The following SULT1C3 variants were observed in gnomAD, a reference collection of about 807,000 sequenced individuals.
The protein encoded by SULT1C3 is sulfotransferase family 1C member 3.
Under a neutral mutation model 28.4 loss-of-function variants are expected in SULT1C3, and 31 were observed. That is an observed-to-expected ratio of 1.09 (90% CI 0.82 to 1.47). The LOEUF is 1.47. Ranked by LOEUF, SULT1C3 falls within the 40% of genes most tolerant of loss-of-function variation. The pLI is 0.00. For missense variants in SULT1C3, 307 were observed against 272.5 expected (o/e 1.13, Z -0.89); for synonymous variants, 106 against 92.2 (o/e 1.15, Z -0.86).
intron 1 of SULT1C3, among the ~76,000 whole-genome samples, 133 bp downstream of exon 1, chr2:108,240,216 A>G (rs1480250239): frequency 6.6e-6 from 1 of 152,234 alleles, no homozygotes; most frequent in East Asian, 1.9e-4. Context: ...TGCAGCTCCA[A>G]ATAAAACTCA....
intron 4 of SULT1C3, among the ~76,000 whole-genome samples, chr2:108,254,815 A>ATGTGTATATATACACATATATATG (rs1457101130): frequency 1.1e-3 from 171 of 151,132 alleles, no homozygotes; most frequent in African/African-American, 1.8e-3. Context: ...ATATGTATAT[A>ATGTGTATATATACACATATATATG]TGTGTATATA....
chr2:108,240,620 T>C (rs942159016), intron 1 of SULT1C3, among the ~76,000 whole-genome samples: 2 of 152,210 alleles, frequency 1.3e-5, no homozygotes, highest in African/African-American at 4.8e-5. Flanking sequence ...AACTAGCATA[T>C]TGATTCAGAT....
intron 5 of SULT1C3, 57 bp downstream of exon 5, chr2:108,255,755 C>A: frequency 1.3e-6 from 2 of 1,565,006 alleles, no homozygotes; most frequent in Non-Finnish European, 1.7e-6. Context: ...ACAATAAGCA[C>A]CTCTGTAAAC....
chr2:108,251,095 A>T (rs35835357), intron 2 of SULT1C3, among the ~76,000 whole-genome samples: 38,962 of 151,922 alleles, frequency 0.26, 6,275 homozygotes, highest in South Asian at 0.39. Context: ...AAAAAGAAAA[A>T]CTTATGTATT....
At chr2:108,243,113 C>T (rs887111371) in intron 1 of SULT1C3, among the ~76,000 whole-genome samples, 1 of 152,050 alleles carries the variant, frequency 6.6e-6, no homozygotes, top group South Asian at 2.1e-4. Context: ...ATGATTTAAC[C>T]GTGAGTGTGC....
At chr2:108,264,709 T>C, downstream of SULT1C3, 1 of 1,059,408 alleles carries the variant, frequency 9.4e-7, no homozygotes, top group East Asian at 2.6e-5. Flanking sequence ...GAAATATTTT[T>C]AAAATGTGTT....
chr2:108,247,119 A>C, intron 1 of SULT1C3, 69 bp from the exon 2 acceptor site: 4 of 1,203,382 alleles, frequency 3.3e-6, no homozygotes, highest in Non-Finnish European at 4.4e-6. Context: ...GTAAGATGAT[A>C]ACCCATACTA....
At chr2:108,254,821 A>G (rs556084190) in intron 4 of SULT1C3, among the ~76,000 whole-genome samples, 17 of 126,292 alleles carry the variant, frequency 1.3e-4, no homozygotes, top group African/African-American at 5.9e-4. Context: ...ATATATGTGT[A>G]TATATACACA....
downstream of SULT1C3, among the ~76,000 whole-genome samples, chr2:108,263,604 G>A (rs940968423): frequency 6.6e-6 from 1 of 152,176 alleles, no homozygotes; most frequent in African/African-American, 2.4e-5. Context: ...GTTCCCAGCA[G>A]CACTCTTTGT....
At chr2:108,242,777 T>G (rs1379498882) in intron 1 of SULT1C3, among the ~76,000 whole-genome samples, 1 of 152,178 alleles carries the variant, frequency 6.6e-6, no homozygotes, top group Non-Finnish European at 1.5e-5. Context: ...AAACAGGGTC[T>G]GTGGCACCTC....
At chr2:108,247,619 C>T (rs766162614) in intron 2 of SULT1C3, among the ~76,000 whole-genome samples, 4 of 152,106 alleles carry the variant, frequency 2.6e-5, no homozygotes, top group African/African-American at 4.8e-5. Flanking sequence ...CATTCCAGAA[C>T]CCATAGCATA....
chr2:108,251,777 T>C (rs1254620736), intron 2 of SULT1C3, among the ~76,000 whole-genome samples: 1 of 151,972 alleles, frequency 6.6e-6, no homozygotes, highest in African/African-American at 2.4e-5. Flanking sequence ...ACAAAAAGGA[T>C]AGCAAAAGTA....
At chr2:108,262,745 C>T (rs560714483), downstream of SULT1C3, among the ~76,000 whole-genome samples, 5 of 152,254 alleles carry the variant, frequency 3.3e-5, no homozygotes, top group Non-Finnish European at 7.4e-5. Context: ...TGCCCCATGG[C>T]CTCCCCTAGA....
chr2:108,255,543 A>T (rs1409923601), intron 4 of SULT1C3, 29 bp from the exon 5 acceptor site: 2 of 1,605,610 alleles, frequency 1.2e-6, no homozygotes, highest in Non-Finnish European at 1.7e-6. Flanking sequence ...TTTTCTCTCC[A>T]TGGCTTCCTT....
intron 2 of SULT1C3, among the ~76,000 whole-genome samples, 184 bp from the exon 3 acceptor site, chr2:108,252,178 GATA>G (rs1459368225): frequency 6.6e-6 from 1 of 151,826 alleles, no homozygotes; most frequent in Non-Finnish European, 1.5e-5. Context: ...TAGATAGATA[GATA>G]GATAGATGGA....
chr2:108,264,180 A>G (rs1386654565), downstream of SULT1C3, among the ~76,000 whole-genome samples: 1 of 152,184 alleles, frequency 6.6e-6, no homozygotes, highest in Admixed American at 6.6e-5. Flanking sequence ...GTCTGCACAA[A>G]TTCACTCTCA....
intron 2 of SULT1C3, among the ~76,000 whole-genome samples, chr2:108,250,779 G>A (rs556492645): frequency 1.3e-5 from 2 of 151,896 alleles, no homozygotes; most frequent in Non-Finnish European, 2.9e-5. Flanking sequence ...AATAATGAGG[G>A]TGTGTGAAAA....
intron 2 of SULT1C3, among the ~76,000 whole-genome samples, chr2:108,248,450 C>G (rs1273839604): frequency 6.6e-6 from 1 of 152,156 alleles, no homozygotes; most frequent in Non-Finnish European, 1.5e-5. Flanking sequence ...AAAGAAAAAG[C>G]CATAGCAAAC....
intron 5 of SULT1C3, among the ~76,000 whole-genome samples, chr2:108,256,252 T>C (rs887609604): frequency 6.6e-6 from 1 of 151,984 alleles, no homozygotes; most frequent in African/African-American, 2.4e-5. Context: ...GCCACACTTT[T>C]CAAAATAGCA....
Sources: allele counts gnomAD v4.1 joint callset (sites outside exome capture counted in the v4.1 genomes callset), GRCh38; gene constraint gnomAD v4.1.1; transcripts MANE v1.5; gene names NCBI Gene and HGNC (gene_info 2026-07-23, HGNC 2026-07-21).